Variants in GAS7 observed in about 807,000 individuals in gnomAD.
GAS7 encodes the protein growth arrest-specific protein 7.
GAS7 carries 28 observed loss-of-function variants against 71.1 expected under a neutral mutation model. That is an observed-to-expected ratio of 0.39 (90% CI 0.29 to 0.54). GAS7 has a LOEUF of 0.54. Ranked by LOEUF, GAS7 falls within the 20% of genes least tolerant of loss-of-function variation. The probability of loss-of-function intolerance (pLI) is 0.62; values close to 1 mark genes in which losing one functional copy is unlikely to be tolerated. For missense variants in GAS7, 436 were observed against 627.8 expected (o/e 0.69, Z 3.27); for synonymous variants, 258 against 245.8 (o/e 1.05, Z -0.46).
intron 1 of GAS7, among the ~76,000 whole-genome samples, chr17:10,148,173 T>G (rs2074135599): frequency 6.6e-6 from 1 of 152,188 alleles, no homozygotes; most frequent in African/African-American, 2.4e-5. Context: ...ACACAGTTTT[T>G]TTGCACTTTT....
intron 1 of GAS7, among the ~76,000 whole-genome samples, chr17:10,032,262 C>T (rs2072640992): frequency 6.6e-6 from 1 of 152,178 alleles, no homozygotes; most frequent in Admixed American, 6.5e-5. Flanking sequence ...AGCCAGAAAA[C>T]CTGAATGACT....
rs1339912414 is a variant in GAS7, at chr17:9,959,310, T to C, written c.472-55A>G. On this transcript the variant is annotated intron_variant, in intron 4 of 13. Coordinates refer to ENST00000432992, the MANE Select transcript of GAS7 (RefSeq NM_201433.2). This position sits in a 1 kb window ranked among gnomAD's most constrained non-coding sequence, Gnocchi z 5.0. ...AGCTGTTCTCCATATTGGACATTTT[T>C]TCCCCCCATTCAGGTTCCCTGAGGG... 4 of 1,612,342 alleles carry C rather than the reference T, an allele frequency of 2.5e-6. No individual in the cohort carries two copies. The highest frequency in any genetic ancestry group is 1.6e-4 in the Middle Eastern group (1 of 6,082).
chr17:9,940,797 G>A (rs1287957231), intron 7 of GAS7, among the ~76,000 whole-genome samples: 3 of 152,228 alleles, frequency 2.0e-5, no homozygotes, highest in East Asian at 1.9e-4. Context: ...TGTAGCTTCC[G>A]GCAGGCAGGC....
chr17:10,117,381 G>A (rs1278164145), intron 1 of GAS7, among the ~76,000 whole-genome samples: 1 of 152,142 alleles, frequency 6.6e-6, no homozygotes, highest in African/African-American at 2.4e-5. Context: ...TGCCACAGAA[G>A]GTAACATATT....
chr17:10,035,460 G>C (rs984050044), intron 1 of GAS7, among the ~76,000 whole-genome samples: 4 of 152,174 alleles, frequency 2.6e-5, no homozygotes, highest in African/African-American at 9.7e-5. Flanking sequence ...GACGGTCCTA[G>C]GTCAACTAAC....
Position 10,078,080 on chromosome 17 carries a change from T to TGTGTGTGTG in GAS7, c.184-58184_184-58183insCACACACAC, listed in dbSNP as rs1555531361. ...GTGTGTGTGTGTGTGTGTGTGTGTG[T>TGTGTGTGTG]TTTGTTTTGTTTTGTTTTGTTTTGT... On this transcript the variant is annotated intron_variant, in intron 1 of 13. Coordinates refer to ENST00000432992, the MANE Select transcript of GAS7 (RefSeq NM_201433.2). 5.2e-5 allele frequency among the ~76,000 whole-genome samples: 7 copies of TGTGTGTGTG among 134,130 alleles called. 1 individual carries two copies. Among genetic ancestry groups the TGTGTGTGTG allele is most frequent in the South Asian group, 4.8e-4 (2 of 4,130 alleles). The allele number at this position is 134,130 out of a possible 152,430, so 88.0% of individuals were successfully genotyped here.
At position 9,974,377 on chromosome 17, in the gene GAS7, C is replaced by T. The variant is rs971746290; in HGVS notation, c.386-4615G>A. ...TGCTATTCCCTGTCCTGGGGGCTCCCGGCTCACCCAGGGTCAGCCACAAAA... is the reference window on the plus strand; with the variant it reads ...TGCTATTCCCTGTCCTGGGGGCTCCTGGCTCACCCAGGGTCAGCCACAAAA... On this transcript the variant is annotated intron_variant, in intron 3 of 13. Transcript: ENST00000432992. This position sits in a 1 kb window ranked among gnomAD's most constrained non-coding sequence, Gnocchi z 4.0. Among the ~76,000 whole-genome samples, 6 of 152,088 alleles carry T rather than the reference C, an allele frequency of 3.9e-5. No individual in the cohort carries two copies. Among genetic ancestry groups the T allele is most frequent in the East Asian group, 1.9e-4 (1 of 5,186 alleles).
At chr17:10,166,982 C>A (rs1461989598) in intron 1 of GAS7, among the ~76,000 whole-genome samples, 2 of 150,424 alleles carry the variant, frequency 1.3e-5, no homozygotes, top group African/African-American at 4.9e-5. Flanking sequence ...TCTGCCACTA[C>A]CTGCCATGTG....
In GAS7 at chr17:10,049,618, T is replaced by C. The variant is rs1305682081; in HGVS notation, c.184-29721A>G. Among the ~76,000 whole-genome samples the C allele has an allele frequency of 1.4e-3, 176 of 126,182 alleles. 4 individuals are homozygous for C. Among genetic ancestry groups the C allele is most frequent in the African/African-American group, 4.9e-3 (163 of 33,116 alleles). The allele number at this position is 126,182 out of a possible 152,430, so 82.8% of individuals were successfully genotyped here. ...TGTTTTGAAATTACTTCTTTTTTTT[T>C]TTTTTTTTTTTTTTTTTTTTGAGAC... On this transcript the variant is annotated intron_variant, in intron 1 of 13. Coordinates refer to ENST00000432992, the MANE Select transcript of GAS7 (RefSeq NM_201433.2).
At chr17:10,029,225 G>A (rs745660495) in intron 1 of GAS7, among the ~76,000 whole-genome samples, 4 of 152,180 alleles carry the variant, frequency 2.6e-5, no homozygotes, top group Admixed American at 6.5e-5. Context: ...TGCATGATGG[G>A]GAAAATACCA....
chr17:9,911,764 T>C lies in GAS7; in HGVS notation c.*5464A>G, dbSNP rs917877939. 8.6e-6 allele frequency: 2 copies of C among 232,066 alleles called. No individual in the cohort carries two copies. Among genetic ancestry groups the C allele is most frequent in the East Asian group, 1.2e-4 (2 of 16,428 alleles). 14.4% of individuals were successfully genotyped at this position (232,066 alleles called of 1,614,324 possible). Reference sequence around the variant, plus strand: ...CCCGGGGGCTCAGGCTTCCTGGCCCTAATCTTCACCTGGCCTGGATCCAGA... The same window carrying C: ...CCCGGGGGCTCAGGCTTCCTGGCCCCAATCTTCACCTGGCCTGGATCCAGA... On this transcript the variant is annotated 3_prime_UTR_variant, in exon 14 of 14. Coordinates refer to ENST00000432992, the MANE Select transcript of GAS7 (RefSeq NM_201433.2). The surrounding 1 kb of genome is among the most constrained non-coding windows in gnomAD (Gnocchi z 4.0).
At chr17:10,032,125 A>G (rs528632120) in intron 1 of GAS7, among the ~76,000 whole-genome samples, 1 of 151,870 alleles carries the variant, frequency 6.6e-6, no homozygotes, top group Non-Finnish European at 1.5e-5. Context: ...AAAAAAAAAA[A>G]AAAAACCCTA....
chr17:9,973,647 T>C (rs1023126878), intron 3 of GAS7, among the ~76,000 whole-genome samples: 1 of 151,972 alleles, frequency 6.6e-6, no homozygotes, highest in Admixed American at 6.6e-5. Flanking sequence ...ATCAAAAGGG[T>C]TTCAAGAGAT....
chr17:10,099,285 T>A (rs2073674662), intron 1 of GAS7, among the ~76,000 whole-genome samples: 1 of 152,080 alleles, frequency 6.6e-6, no homozygotes, highest in South Asian at 2.1e-4. Context: ...TTAGGGTGCA[T>A]TCCTGGGGAG....
At chr17:9,988,739 A>G (rs556611384) in intron 2 of GAS7, among the ~76,000 whole-genome samples, 1 of 152,310 alleles carries the variant, frequency 6.6e-6, no homozygotes, top group Admixed American at 6.5e-5. Context: ...CTCTGCAGGA[A>G]AGAAACTACT....
At chr17:9,957,301 T>C (rs1048864855) in intron 5 of GAS7, among the ~76,000 whole-genome samples, 8 of 152,138 alleles carry the variant, frequency 5.3e-5, no homozygotes, top group African/African-American at 1.9e-4. Context: ...GACTCCCTCA[T>C]GAGAAGCAAT....
chr17:10,056,430 G>C (rs2073137400), intron 1 of GAS7, among the ~76,000 whole-genome samples: 1 of 152,102 alleles, frequency 6.6e-6, no homozygotes, highest in South Asian at 2.1e-4. Flanking sequence ...AGAAATTCAA[G>C]GCTGCAATGA....
chr17:9,958,431 C>T (rs2069335768), intron 5 of GAS7, among the ~76,000 whole-genome samples: 1 of 152,242 alleles, frequency 6.6e-6, no homozygotes, highest in South Asian at 2.1e-4. Context: ...GGTTTTGTCT[C>T]CACAGGGGTG....
chr17:10,054,457 A>G (rs1163235888), intron 1 of GAS7, among the ~76,000 whole-genome samples: 2 of 152,162 alleles, frequency 1.3e-5, no homozygotes, highest in African/African-American at 2.4e-5. Context: ...TTTTTAATGG[A>G]AAACCTGCAG....
Sources: gnomAD v4.1 joint callset for allele counts (sites outside exome capture counted in the v4.1 genomes callset) on GRCh38, gnomAD v4.1.1 for gene constraint, Gnocchi (gnomAD v3.1) non-coding constraint, MANE v1.5 for transcripts, NCBI Gene and HGNC (gene_info 2026-07-23, HGNC 2026-07-21) for gene names.